Variants in SLC2A11 observed in about 807,000 individuals in gnomAD.
SLC2A11 encodes the protein solute carrier family 2, facilitated glucose transporter member 11.
In SLC2A11, 43 loss-of-function variants were observed where a neutral mutation model predicts 52.1. That is an observed-to-expected ratio of 0.82 (90% CI 0.65 to 1.06). SLC2A11 has a LOEUF of 1.06. SLC2A11 is among the 50% of genes least tolerant of loss of function. The pLI, the probability that SLC2A11 is intolerant of heterozygous loss-of-function variation, is 0.00. For missense variants in SLC2A11, 582 were observed against 654.2 expected, an observed-to-expected ratio of 0.89 and a Z score of 1.20; for synonymous variants, 261 against 277.6, an observed-to-expected ratio of 0.94 and a Z score of 0.59.
At chr22:23,868,364 G>A (rs2032336101) in intron 2 of SLC2A11, 117 bp from the exon 3 acceptor site, 2 of 1,272,268 alleles carry the variant, frequency 1.6e-6, no homozygotes, top group South Asian at 2.7e-5. Context: ...AAGACACGGT[G>A]CCTGTTGTCA....
intron 5 of SLC2A11, chr22:23,877,497 C>T (rs2032655271): frequency 1.3e-6 from 1 of 778,724 alleles, no homozygotes; most frequent in African/African-American, 1.7e-5. Flanking sequence ...AGCCTGGACC[C>T]TTGGGAAGAG....
upstream of SLC2A11, chr22:23,856,966 C>T: frequency 6.2e-7 from 1 of 1,611,894 alleles, no homozygotes; most frequent in Non-Finnish European, 8.5e-7. Context: ...GCCCAGGACG[C>T]ACAGATGAGA....
At chr22:23,860,880 C>T (rs1264900473) in intron 1 of SLC2A11, among the ~76,000 whole-genome samples, 1 of 146,984 alleles carries the variant, frequency 6.8e-6, no homozygotes, top group Non-Finnish European at 1.5e-5. Flanking sequence ...GAGTCTCGCT[C>T]TGTCGCCCAG....
At chr22:23,882,973 G>A (rs761667565) in intron 8 of SLC2A11, 104 bp downstream of exon 8, 1 of 1,103,552 alleles carries the variant, frequency 9.1e-7, no homozygotes, top group Admixed American at 2.0e-5. Context: ...TTAAAATGCA[G>A]TGAGGGGCCA....
chr22:23,874,536 C>T (rs1437553371), intron 3 of SLC2A11, among the ~76,000 whole-genome samples: 1 of 151,868 alleles, frequency 6.6e-6, no homozygotes, highest in Non-Finnish European at 1.5e-5. Context: ...ACCACAACCT[C>T]TACCTCTCGG....
Position 23,875,235 on chromosome 22 carries a change from A to G in SLC2A11, c.409A>G (p.Asn137Asp). Residue 137 changes from asparagine (N) to aspartate (D), a missense_variant, in exon 4 of 12, where the codon AAT (asparagine) becomes GAT (aspartate). By Grantham distance (23) the Asn-to-Asp change is conservative. Coordinates refer to ENST00000316185, the MANE Select transcript of SLC2A11 (RefSeq NM_001024939.4). The stretch of plus-strand genomic sequence containing the variant: ...GCTGGGAAGACTGCTCGTGGGAGTC[A>G]ATGCAGGTATGGGGTGGGGGCTTCT... Reference protein sequence around the residue: ...IMLGRLLVGVNAGVSMNIQPM... With the variant: ...IMLGRLLVGVDAGVSMNIQPM... The G allele has an allele frequency of 6.8e-7, 1 of 1,478,602 alleles. No homozygotes were observed. Among genetic ancestry groups the G allele is most frequent in the Non-Finnish European group, 9.1e-7 (1 of 1,102,408 alleles). 91.6% of individuals were successfully genotyped at this position (1,478,602 alleles called of 1,614,324 possible). A position where few individuals can be genotyped will look rare whatever the true frequency, so the allele number is the denominator to read the frequency against.
intron 8 of SLC2A11, 194 bp from the exon 9 acceptor site, chr22:23,883,578 T>C (rs1297346662): frequency 3.8e-6 from 2 of 520,218 alleles, no homozygotes; most frequent in Non-Finnish European, 6.7e-6. Context: ...CAGCACCATT[T>C]TGAGATGCGG....
At chr22:23,857,190 G>C (rs1200523945), upstream of SLC2A11, 35 of 817,854 alleles carry the variant, frequency 4.3e-5, no homozygotes, top group East Asian at 7.2e-4. Flanking sequence ...AGTGGCGACC[G>C]GCGCAGGGAA....
chr22:23,858,196 T>C (rs1419919082), intron 1 of SLC2A11, 167 bp downstream of exon 1: 3 of 1,087,170 alleles, frequency 2.8e-6, no homozygotes, highest in East Asian at 2.6e-5. Context: ...CAGATGTGCA[T>C]AGGCAGGTGT....
chr22:23,857,467 C>T (rs901472821), upstream of SLC2A11: 4 of 1,613,814 alleles, frequency 2.5e-6, no homozygotes, highest in Non-Finnish European at 3.4e-6. Context: ...GGCTTTTCAG[C>T]CTCAGTGCTG....
At chr22:23,861,574 C>T (rs558750274) in intron 1 of SLC2A11, among the ~76,000 whole-genome samples, 2 of 152,340 alleles carry the variant, frequency 1.3e-5, no homozygotes, top group South Asian at 4.1e-4. Flanking sequence ...TCATATGTCC[C>T]CAAGTCCTTG....
upstream of SLC2A11, chr22:23,857,189 C>T (rs1050687279): frequency 2.4e-6 from 2 of 821,822 alleles, no homozygotes; most frequent in Admixed American, 2.5e-5. Flanking sequence ...CAGTGGCGAC[C>T]GGCGCAGGGA....
chr22:23,857,080 G>C (rs1411539640), upstream of SLC2A11: 35 of 1,249,616 alleles, frequency 2.8e-5, 1 homozygote, highest in Admixed American at 2.7e-4. Context: ...GTGTGGGGGG[G>C]GGGGGGTGTA....
rs897566841 is a variant in SLC2A11, at chr22:23,857,921, G to C, written c.-79G>C. 31 of 1,587,060 alleles carry C rather than the reference G, an allele frequency of 2.0e-5. No individual in the cohort carries two copies. The highest frequency in any genetic ancestry group is 2.7e-5 in the Non-Finnish European group (31 of 1,167,898). ...CGCGCTGCCCTTCCCTCCGCGCACA[G>C]GCTGCCGGCTCACCGCTTGCTAATG... On this transcript the variant is annotated 5_prime_UTR_variant, in exon 1 of 12. Transcript: ENST00000316185.
intron 6 of SLC2A11, among the ~76,000 whole-genome samples, chr22:23,878,317 C>G (rs1367460701): frequency 6.9e-6 from 1 of 145,248 alleles, no homozygotes; most frequent in African/African-American, 2.6e-5. Context: ...CTGCACAGCT[C>G]TGCTGATCTC....
Position 23,884,339 on chromosome 22 carries a change from C to T in SLC2A11, c.1209C>T (p.Asp403=), listed in dbSNP as rs911481029. The T allele has an allele frequency of 6.2e-7, 1 of 1,614,006 alleles. No homozygotes were observed. Among genetic ancestry groups the T allele is most frequent in the Non-Finnish European group, 8.5e-7 (1 of 1,179,988 alleles). ...GGATCCTGGCCACAGAGCTGTTTGA[C>T]CAGATGGCCAGGCCTGCTGCCTGCA... is the stretch of plus-strand genomic sequence containing the variant. The part of the protein sequence containing the change: ...VTGILATELF[D]QMARPAACMV... Residue 403 remains aspartate (D), a synonymous_variant, in exon 11 of 12, where the codon GAC becomes GAT. Coordinates refer to ENST00000316185, the MANE Select transcript of SLC2A11 (RefSeq NM_001024939.4). The surrounding 1 kb of genome is among the most constrained non-coding windows in gnomAD (Gnocchi z 4.3).
rs1228383309 is a variant in SLC2A11 at position 23,882,443 on chromosome 22, C to T, written c.695-16C>T. On this transcript the variant is annotated splice_polypyrimidine_tract_variant and intron_variant, in intron 6 of 11. Transcript: ENST00000316185. ...GCTTGGGGACGGGGAGCTCAGTACC[C>T]TCCTCCCTGGCTCAGCACTACGGCG... 1 of 1,519,266 alleles carries T rather than the reference C, an allele frequency of 6.6e-7. No individual in the cohort carries two copies. The highest frequency in any genetic ancestry group is 8.8e-7 in the Non-Finnish European group (1 of 1,135,542). 94.1% of individuals were successfully genotyped at this position (1,519,266 alleles called of 1,614,324 possible).
rs749457184 is a variant in SLC2A11 at position 23,884,622 on chromosome 22, G to A, written c.1300-27G>A. On this transcript the variant is annotated intron_variant, in intron 11 of 11. Transcript: ENST00000316185. This position sits in a 1 kb window ranked among gnomAD's most constrained non-coding sequence, Gnocchi z 4.3. ...TTTAGGGGTTGATGGAGACACACCAGGTCTTGGGGTCTTTTTTAATCCGCA... is the reference window on the plus strand; with the variant it reads ...TTTAGGGGTTGATGGAGACACACCAAGTCTTGGGGTCTTTTTTAATCCGCA... The A allele has an allele frequency of 6.2e-7, 1 of 1,600,904 alleles. No individual in the cohort carries two copies. The highest frequency in any genetic ancestry group is 8.5e-7 in the Non-Finnish European group (1 of 1,173,462).
rs9612499 is a variant in SLC2A11 at position 23,882,472 on chromosome 22, C to A, written c.708C>A (p.Leu236=). Residue 236 remains leucine, a synonymous_variant, in exon 7 of 12, where the codon CTC becomes CTA. Coordinates refer to ENST00000316185, the MANE Select transcript of SLC2A11 (RefSeq NM_001024939.4). ...TCCCTGGCTCAGCACTACGGCGGCT[C>A]CGGGGCTCCGGGGACTTGGCAGGGG... ...TEACLAALRR[L]RGSGDLAGEL... 610,696 of 1,543,888 alleles carry A rather than the reference C, an allele frequency of 0.4. 123,384 individuals carry two copies. Among genetic ancestry groups the A allele is most frequent in the South Asian group, 0.47 (39,404 of 83,832 alleles).
Sources: gnomAD v4.1 joint callset for allele counts (sites outside exome capture counted in the v4.1 genomes callset) on GRCh38, gnomAD v4.1.1 for gene constraint, Gnocchi (gnomAD v3.1) non-coding constraint, MANE v1.5 for transcripts, NCBI Gene and HGNC (gene_info 2026-07-23, HGNC 2026-07-21) for gene names.